Variants in CHRM3 observed in about 807,000 individuals in gnomAD.
CHRM3 encodes the protein cholinergic receptor muscarinic 3, also known as muscarinic acetylcholine receptor M3.
A neutral mutation model predicts 41.8 loss-of-function variants in CHRM3; 11 were observed. The observed-to-expected ratio is 0.26, with a 90% CI of 0.17 to 0.44. The LOEUF (loss-of-function observed/expected upper bound fraction) is 0.44, where lower values mean the gene tolerates loss of function less well. Among genes scored for constraint, CHRM3 ranks in the 20% least tolerant of loss-of-function variants. CHRM3 has a pLI of 1.00. For missense variants in CHRM3, 571 were observed against 745.4 expected (o/e 0.77, Z 2.72); for synonymous variants, 297 against 301.4 (o/e 0.99, Z 0.15).
chr1:239,427,354 G>C (rs1008816135), intron 1 of CHRM3, among the ~76,000 whole-genome samples: 1 of 152,126 alleles, frequency 6.6e-6, no homozygotes, highest in African/African-American at 2.4e-5. Context: ...AGGCCTGGAG[G>C]GTTGAACGGA....
chr1:239,490,768 A>T (rs1222500486), intron 1 of CHRM3, among the ~76,000 whole-genome samples: 2 of 151,964 alleles, frequency 1.3e-5, no homozygotes, highest in East Asian at 3.9e-4. Flanking sequence ...TTTATTTGAG[A>T]CAGGGTCTTA....
At chr1:239,803,455 G>T (rs1434496748) in intron 5 of CHRM3, among the ~76,000 whole-genome samples, 1 of 152,116 alleles carries the variant, frequency 6.6e-6, no homozygotes, top group African/African-American at 2.4e-5. Flanking sequence ...ACCATGAATT[G>T]GCTTACAAAA....
At chr1:239,838,686 C>G (rs1275339410) in intron 6 of CHRM3, among the ~76,000 whole-genome samples, 2 of 152,308 alleles carry the variant, frequency 1.3e-5, no homozygotes, top group East Asian at 3.9e-4. Flanking sequence ...CATCTTCTCC[C>G]TTCAGACCTG....
intron 1 of CHRM3, among the ~76,000 whole-genome samples, chr1:239,487,226 G>A (rs1034634456): frequency 6.6e-6 from 1 of 152,026 alleles, no homozygotes; most frequent in Admixed American, 6.6e-5. Flanking sequence ...TAGGATTTTT[G>A]TGCATGATAG....
intron 2 of CHRM3, among the ~76,000 whole-genome samples, chr1:239,523,043 CCT>C (rs1209137422): frequency 1.3e-5 from 2 of 151,922 alleles, no homozygotes; most frequent in African/African-American, 4.8e-5. Flanking sequence ...GAATTTAGCC[CCT>C]GTTTGTGGGG....
At chr1:239,802,496 T>C (rs1482952151) in intron 5 of CHRM3, among the ~76,000 whole-genome samples, 1 of 152,202 alleles carries the variant, frequency 6.6e-6, no homozygotes, top group Admixed American at 6.5e-5. Context: ...GTGCCCTCTG[T>C]TGTCCAACAG....
At chr1:239,530,607 G>A (rs1287342325) in intron 2 of CHRM3, among the ~76,000 whole-genome samples, 3 of 152,070 alleles carry the variant, frequency 2.0e-5, no homozygotes, top group Non-Finnish European at 4.4e-5. Context: ...AAGAACTAAA[G>A]GATACTATGA....
chr1:239,422,921 T>C (rs1479052408), intron 1 of CHRM3, among the ~76,000 whole-genome samples: 1 of 152,096 alleles, frequency 6.6e-6, no homozygotes, highest in African/African-American at 2.4e-5. Context: ...AACAAGTCAC[T>C]GGGGAGATAG....
intron 1 of CHRM3, among the ~76,000 whole-genome samples, chr1:239,447,427 A>G (rs981958980): frequency 6.6e-6 from 1 of 152,162 alleles, no homozygotes; most frequent in Non-Finnish European, 1.5e-5. Flanking sequence ...CAGGAGGGAA[A>G]GTTCTGGAAG....
intron 4 of CHRM3, among the ~76,000 whole-genome samples, chr1:239,637,163 T>A (rs1019740548): frequency 1.3e-5 from 2 of 152,176 alleles, no homozygotes; most frequent in African/African-American, 2.4e-5. Context: ...ACAGAAATGA[T>A]GACCTGTAAT....
chr1:239,685,822 A>AAAAC (rs887883830), intron 5 of CHRM3, among the ~76,000 whole-genome samples: 7 of 152,134 alleles, frequency 4.6e-5, no homozygotes, highest in Non-Finnish European at 2.9e-5. Flanking sequence ...ACTCCATCTC[A>AAAAC]AAACAAACAA....
intron 2 of CHRM3, among the ~76,000 whole-genome samples, chr1:239,517,544 C>T (rs916319405): frequency 5.3e-5 from 8 of 152,094 alleles, no homozygotes; most frequent in South Asian, 2.1e-4. Flanking sequence ...ACAGTTGATC[C>T]GGAATTTAGT....
At chr1:239,483,216 T>G (rs1284851603) in intron 1 of CHRM3, among the ~76,000 whole-genome samples, 2 of 152,234 alleles carry the variant, frequency 1.3e-5, no homozygotes, top group Non-Finnish European at 2.9e-5. Context: ...ATTCTAACCT[T>G]CATTGTACAG....
chr1:239,572,088 T>C (rs2148540479), intron 3 of CHRM3, among the ~76,000 whole-genome samples: 1 of 152,300 alleles, frequency 6.6e-6, no homozygotes. Flanking sequence ...CCATTTTAGC[T>C]TGGGTTTAAT....
intron 1 of CHRM3, among the ~76,000 whole-genome samples, chr1:239,424,301 G>A (rs919526359): frequency 9.9e-5 from 15 of 151,846 alleles, no homozygotes; most frequent in African/African-American, 3.6e-4. Flanking sequence ...CCAAACACAG[G>A]GTCTAGAACA....
At chr1:239,508,834 C>T (rs1282381621) in intron 2 of CHRM3, among the ~76,000 whole-genome samples, 1 of 152,114 alleles carries the variant, frequency 6.6e-6, no homozygotes, top group Non-Finnish European at 1.5e-5. Flanking sequence ...TTCAGTTTTT[C>T]GTCTCTTTAC....
At chr1:239,886,285 C>T (rs1678061515) in intron 6 of CHRM3, 1 of 152,098 alleles carries the variant, frequency 6.6e-6, no homozygotes, top group African/African-American at 2.4e-5. Flanking sequence ...GATGACCGAC[C>T]AAGGAAGAGT....
At chr1:239,464,022 A>C (rs754559603) in intron 1 of CHRM3, among the ~76,000 whole-genome samples, 38 of 152,174 alleles carry the variant, frequency 2.5e-4, no homozygotes, top group Non-Finnish European at 4.9e-4. Context: ...CACGCCTGTA[A>C]TCTCAGCACT....
At chr1:239,606,437 G>A (rs187724928) in intron 3 of CHRM3, among the ~76,000 whole-genome samples, 2 of 152,040 alleles carry the variant, frequency 1.3e-5, no homozygotes, top group East Asian at 1.9e-4. Flanking sequence ...CAGCACGTTC[G>A]GCTTATTTTT....
Sources: gnomAD v4.1 joint callset for allele counts (sites outside exome capture counted in the v4.1 genomes callset) on GRCh38, gnomAD v4.1.1 for gene constraint, MANE v1.5 for transcripts, NCBI Gene and HGNC (gene_info 2026-07-23, HGNC 2026-07-21) for gene names.